The following PALD1 variants were observed in gnomAD, a reference collection of about 807,000 sequenced individuals.
The protein encoded by PALD1 is phosphatase domain containing paladin 1, also known as paladin.
A neutral mutation model predicts 96.0 loss-of-function variants in PALD1; 57 were observed. That is an observed-to-expected ratio of 0.59 (90% confidence interval 0.48 to 0.74). The LOEUF is 0.74. PALD1 is among the 30% of genes least tolerant of loss of function. The pLI is 0.00. For missense variants in PALD1, 1,063 were observed against 1,143.7 expected (o/e 0.93, Z 1.02); for synonymous variants, 464 against 473.6 (o/e 0.98, Z 0.26).
upstream of PALD1, among the ~76,000 whole-genome samples, chr10:70,477,989 G>A (rs1196483425): frequency 6.6e-6 from 1 of 152,110 alleles, no homozygotes; most frequent in Non-Finnish European, 1.5e-5. Flanking sequence ...GGCCGTCGGA[G>A]TGGGCCGGGC....
At chr10:70,468,555 T>G in the PALD1 span, among the ~76,000 whole-genome samples, 3 of 151,476 alleles carry the variant, frequency 2.0e-5, no homozygotes, top group Non-Finnish European at 4.4e-5. Context: ...CCAGGCAAGG[T>G]TTTTAAGGAA....
the PALD1 span, among the ~76,000 whole-genome samples, chr10:70,460,609 T>A: frequency 6.6e-6 from 1 of 152,220 alleles, no homozygotes; most frequent in African/African-American, 2.4e-5. Context: ...CACCACCTGG[T>A]CCCAGCCACC....
intron 1 of PALD1, among the ~76,000 whole-genome samples, chr10:70,506,510 G>C (rs1471435629): frequency 1.3e-5 from 2 of 152,188 alleles, no homozygotes; most frequent in Non-Finnish European, 2.9e-5. Flanking sequence ...CACGCTCTTG[G>C]AGTCCAGTAC....
intron 18 of PALD1, among the ~76,000 whole-genome samples, chr10:70,552,897 C>T (rs1847509742): frequency 6.6e-6 from 1 of 152,142 alleles, no homozygotes; most frequent in Admixed American, 6.5e-5. Context: ...CTCCTTTTCC[C>T]CCCTGAAATA....
At chr10:70,551,475 G>A (rs372656527) in intron 18 of PALD1, among the ~76,000 whole-genome samples, 9 of 152,096 alleles carry the variant, frequency 5.9e-5, no homozygotes, top group African/African-American at 1.4e-4. Flanking sequence ...TAATTTGCCC[G>A]GGAATGTTCT....
upstream of PALD1, among the ~76,000 whole-genome samples, chr10:70,478,046 G>C (rs142508088): frequency 1.5e-5 from 2 of 136,556 alleles, no homozygotes; most frequent in Admixed American, 7.0e-5. Flanking sequence ...GAGGAGTGGT[G>C]GGGGGGGCAG....
At position 70,497,450 on chromosome 10, in the gene PALD1, C is replaced by T. The variant is rs548927812; in HGVS notation, c.-30+18391C>T. On this transcript the variant is annotated intron_variant, in intron 1 of 19. Transcript: ENST00000263563. ...CCTCAGCGCCACTCGCACAGCTCTC[C>T]TGACTGTGCCAACTCTCTGGGTGGT... 2.6e-5 allele frequency among the ~76,000 whole-genome samples: 4 copies of T among 152,372 alleles called. No homozygotes were observed. In the South Asian group the frequency reaches 8.3e-4, roughly 32 times the overall value.
chr10:70,558,389 G>C (rs1269468462), intron 18 of PALD1, among the ~76,000 whole-genome samples: 1 of 152,116 alleles, frequency 6.6e-6, no homozygotes, highest in East Asian at 1.9e-4. Flanking sequence ...TGTGAAGCTG[G>C]AATGAATGAA....
chr10:70,478,233 G>A (rs1845860008), upstream of PALD1, among the ~76,000 whole-genome samples: 1 of 152,224 alleles, frequency 6.6e-6, no homozygotes, highest in Admixed American at 6.5e-5. Flanking sequence ...CTGCTGTTTA[G>A]GGGCTCCCCT....
At position 70,500,599 on chromosome 10, in the gene PALD1, T is replaced by G. The variant is rs185365407; in HGVS notation, c.-30+21540T>G. Among the ~76,000 whole-genome samples the G allele has an allele frequency of 1.5e-3, 236 of 152,332 alleles. 2 individuals are homozygous for G. Among genetic ancestry groups the G allele is most frequent in the Middle Eastern group, 3.4e-3 (1 of 294 alleles). Reference sequence around the variant, plus strand: ...TTTAAGTCCCAGCTCTGTTCCTTTTTCGGGAAGCCTTCCCAGAGTTCCCGA... The same window carrying G: ...TTTAAGTCCCAGCTCTGTTCCTTTTGCGGGAAGCCTTCCCAGAGTTCCCGA... On this transcript the variant is annotated intron_variant, in intron 1 of 19. Coordinates refer to ENST00000263563, the MANE Select transcript of PALD1 (RefSeq NM_014431.3).
At chr10:70,493,630 A>C (rs1026569023) in intron 1 of PALD1, among the ~76,000 whole-genome samples, 2 of 152,166 alleles carry the variant, frequency 1.3e-5, no homozygotes, top group Non-Finnish European at 2.9e-5. Flanking sequence ...GGCCCGTTTC[A>C]GTTGGTGGCA....
chr10:70,488,781 G>A (rs1245610293), intron 1 of PALD1, among the ~76,000 whole-genome samples: 1 of 152,086 alleles, frequency 6.6e-6, no homozygotes, highest in Admixed American at 6.6e-5. Context: ...TTTAGAGCAG[G>A]TTCTGGAGAA....
chr10:70,550,154 G>C (rs998395387), intron 18 of PALD1, among the ~76,000 whole-genome samples: 1 of 152,220 alleles, frequency 6.6e-6, no homozygotes, highest in Non-Finnish European at 1.5e-5. Context: ...ATGTCCAAGA[G>C]ATCTGAGAGC....
chr10:70,497,069 C>A (rs370734749), intron 1 of PALD1, among the ~76,000 whole-genome samples: 3 of 152,214 alleles, frequency 2.0e-5, no homozygotes, highest in Non-Finnish European at 4.4e-5. Flanking sequence ...CTGCCTTCCT[C>A]GCCCACCTCC....
At chr10:70,551,188 A>G (rs1847470126) in intron 18 of PALD1, among the ~76,000 whole-genome samples, 1 of 152,212 alleles carries the variant, frequency 6.6e-6, no homozygotes, top group South Asian at 2.1e-4. Context: ...GAGTCTCTAG[A>G]AAGGCAGCGG....
rs1847208796 is a variant in PALD1 at position 70,539,998 on chromosome 10, GGT to G, written c.1908+245_1908+246del. ...GGGTATATGTGTGTGTATTGTTATA[GGT>G]GTGTGTGTATTGGAGTGTGTATTCT... is the stretch of plus-strand genomic sequence containing the variant. On this transcript the variant is annotated intron_variant, in intron 15 of 19. Coordinates refer to ENST00000263563, the MANE Select transcript of PALD1 (RefSeq NM_014431.3). This position sits in a 1 kb window ranked among gnomAD's most constrained non-coding sequence, Gnocchi z 4.5. Among the ~76,000 whole-genome samples, 1 of 152,100 alleles carries G rather than the reference GGT, an allele frequency of 6.6e-6. No homozygotes were observed. Among genetic ancestry groups the G allele is most frequent in the Admixed American group, 6.6e-5 (1 of 15,266 alleles).
chr10:70,553,829 G>A (rs1847533725), intron 18 of PALD1, among the ~76,000 whole-genome samples: 1 of 152,202 alleles, frequency 6.6e-6, no homozygotes, highest in Admixed American at 6.5e-5. Context: ...TGGAAGCCAT[G>A]GTCCTTGCCT....
chr10:70,526,349 C>G (rs1202835433), intron 2 of PALD1, among the ~76,000 whole-genome samples: 1 of 152,158 alleles, frequency 6.6e-6, no homozygotes, highest in Non-Finnish European at 1.5e-5. Context: ...TCTCTGAGCC[C>G]ATGCTACTCA....
chr10:70,562,861 C>T (rs1847770147), intron 18 of PALD1, among the ~76,000 whole-genome samples: 5 of 151,872 alleles, frequency 3.3e-5, no homozygotes, highest in Non-Finnish European at 4.4e-5. Context: ...TGGGCCTTAT[C>T]CCCTGGCCTG....
Sources: gnomAD v4.1 joint callset for allele counts (sites outside exome capture counted in the v4.1 genomes callset) on GRCh38, gnomAD v4.1.1 for gene constraint, Gnocchi (gnomAD v3.1) non-coding constraint, MANE v1.5 for transcripts, NCBI Gene and HGNC (gene_info 2026-07-23, HGNC 2026-07-21) for gene names.